The following RGS7 variants were observed in gnomAD, a reference collection of about 807,000 sequenced individuals.
RGS7 encodes regulator of G protein signaling 7.
RGS7 carries 27 observed loss-of-function variants against 81.1 expected under a neutral mutation model. The observed-to-expected ratio is 0.33, with a 90% CI of 0.25 to 0.46. RGS7 has a LOEUF of 0.46. Ranked by LOEUF, RGS7 falls within the 20% of genes least tolerant of loss-of-function variation. RGS7 has a pLI of 1.00. For synonymous variants in RGS7, 208 were observed against 207.7 expected, an observed-to-expected ratio of 1.00 and a Z score of -0.01; for missense variants, 396 against 607.4, an observed-to-expected ratio of 0.65 and a Z score of 3.66.
chr1:240,868,848 C>A lies in RGS7; in HGVS notation c.455G>T (p.Ser152Ile). 1 of 1,614,002 alleles carries A rather than the reference C, an allele frequency of 6.2e-7. No homozygotes were observed. The highest frequency in any genetic ancestry group is 8.5e-7 in the Non-Finnish European group (1 of 1,179,992). The change falls in exon 8 of 19, where the codon AGC becomes ATC. Residue 152 changes from serine to isoleucine, a missense_variant. Coordinates refer to ENST00000440928, the MANE Select transcript of RGS7 (RefSeq NM_001364886.1). This position sits in a 1 kb window ranked among gnomAD's most constrained non-coding sequence, Gnocchi z 5.1. ...RLELADYEAE[S>I]LARLQRAFAR... ...AAATGCTCTCTGCAGCCTGGCCAGG[C>A]TCTCCTGAAAAACATACCCCAGGTG... is the stretch of plus-strand genomic sequence containing the variant.
intron 9 of RGS7, among the ~76,000 whole-genome samples, chr1:240,865,013 G>A (rs1662975666): frequency 6.6e-6 from 1 of 151,606 alleles, no homozygotes; most frequent in Non-Finnish European, 1.5e-5. Flanking sequence ...CACGAAGAAA[G>A]CTGAAAATTT....
intron 2 of RGS7, among the ~76,000 whole-genome samples, chr1:241,314,992 C>T (rs946493368): frequency 6.0e-5 from 9 of 150,900 alleles, no homozygotes; most frequent in Admixed American, 2.0e-4. Context: ...AGTTAGAGCC[C>T]GGGGAACTTA....
chr1:240,923,443 T>G (rs955957156), intron 6 of RGS7, among the ~76,000 whole-genome samples: 1 of 152,096 alleles, frequency 6.6e-6, no homozygotes, highest in Non-Finnish European at 1.5e-5. Context: ...TGGAACTCTC[T>G]GCATATTTTG....
At chr1:240,899,754 A>G (rs1203264926) in intron 6 of RGS7, among the ~76,000 whole-genome samples, 1 of 152,036 alleles carries the variant, frequency 6.6e-6, no homozygotes, top group Non-Finnish European at 1.5e-5. Context: ...GAATCTGACA[A>G]TTATGTGTCT....
At chr1:241,286,827 T>C (rs1383836383) in intron 2 of RGS7, among the ~76,000 whole-genome samples, 1 of 152,166 alleles carries the variant, frequency 6.6e-6, no homozygotes, top group African/African-American at 2.4e-5. Context: ...ACATGCCACT[T>C]GCAGCCCTCT....
At chr1:240,911,065 G>C (rs576126774) in intron 6 of RGS7, among the ~76,000 whole-genome samples, 13 of 152,172 alleles carry the variant, frequency 8.5e-5, no homozygotes, top group African/African-American at 2.9e-4. Flanking sequence ...CTGGGCAAAA[G>C]CTAAACATCT....
chr1:241,143,929 T>C (rs2103095594), intron 2 of RGS7, among the ~76,000 whole-genome samples: 1 of 152,216 alleles, frequency 6.6e-6, no homozygotes, highest in Non-Finnish European at 1.5e-5. Flanking sequence ...GAAGGAACCA[T>C]CTGTGAACCA....
At chr1:241,013,180 A>G (rs2148667023) in intron 3 of RGS7, among the ~76,000 whole-genome samples, 1 of 148,686 alleles carries the variant, frequency 6.7e-6, no homozygotes, top group East Asian at 2.0e-4. Flanking sequence ...CTCGTGCCTC[A>G]GCCTTCCCAG....
intron 2 of RGS7, among the ~76,000 whole-genome samples, chr1:241,266,520 T>C (rs886864071): frequency 2.6e-5 from 4 of 152,236 alleles, no homozygotes; most frequent in African/African-American, 9.6e-5. Context: ...TCCATTCTAT[T>C]TCCTTTAATT....
chr1:241,001,952 G>A (rs981965772), intron 3 of RGS7, among the ~76,000 whole-genome samples: 11 of 151,992 alleles, frequency 7.2e-5, no homozygotes, highest in Admixed American at 4.6e-4. Flanking sequence ...TGATAATGAC[G>A]CGTCAGTGCG....
At chr1:241,162,521 G>A (rs2069809675) in intron 2 of RGS7, among the ~76,000 whole-genome samples, 2 of 152,308 alleles carry the variant, frequency 1.3e-5, no homozygotes, top group South Asian at 2.1e-4. Context: ...ACCGGATGGG[G>A]CACTGGATCT....
At chr1:241,083,288 CA>C (rs1288877400) in intron 3 of RGS7, among the ~76,000 whole-genome samples, 1 of 143,022 alleles carries the variant, frequency 7.0e-6, no homozygotes, top group African/African-American at 2.6e-5. Context: ...CAAAACAAGA[CA>C]AAAAAAAAGA....
intron 3 of RGS7, among the ~76,000 whole-genome samples, chr1:241,078,929 C>T (rs1394235405): frequency 6.6e-6 from 1 of 152,134 alleles, no homozygotes; most frequent in African/African-American, 2.4e-5. Flanking sequence ...TGTACTCTTT[C>T]CACTACTCAG....
Position 240,823,377 on chromosome 1 carries a change from G to T in RGS7, c.684+3721C>A, listed in dbSNP as rs549986063. ...CTGCGGAGATGCCCAGCGGCCTGGA[G>T]CCACGGCCGAAGCCCCGCACCACTT... On this transcript the variant is annotated intron_variant, in intron 10 of 18. Coordinates refer to ENST00000440928, the MANE Select transcript of RGS7 (RefSeq NM_001364886.1). 1.3e-5 allele frequency: 6 copies of T among 457,564 alleles called. No homozygotes were observed. In the East Asian group the frequency reaches 3.0e-4, roughly 23 times the overall value. 28.3% of individuals were successfully genotyped at this position (457,564 alleles called of 1,614,324 possible).
intron 3 of RGS7, among the ~76,000 whole-genome samples, chr1:241,010,073 C>G (rs1421689441): frequency 3.3e-5 from 5 of 152,078 alleles, no homozygotes; most frequent in Non-Finnish European, 5.9e-5. Flanking sequence ...TTAGGAGAAA[C>G]ACCTAATGTA....
At chr1:241,139,230 C>T (rs2103075681) in intron 2 of RGS7, among the ~76,000 whole-genome samples, 1 of 151,082 alleles carries the variant, frequency 6.6e-6, no homozygotes, top group African/African-American at 2.4e-5. Context: ...CTTCCTCTCT[C>T]CCTCCCTTCT....
chr1:240,866,859 G>A (rs1373485665), intron 9 of RGS7, among the ~76,000 whole-genome samples: 2 of 152,082 alleles, frequency 1.3e-5, no homozygotes, highest in African/African-American at 4.8e-5. Context: ...GCAGTGCAGG[G>A]GAGCTGGCAT....
chr1:240,953,790 A>G lies in RGS7; in HGVS notation c.227-17084T>C, dbSNP rs74638562. 5.8e-3 allele frequency among the ~76,000 whole-genome samples: 886 copies of G among 152,168 alleles called. 12 individuals carry two copies. Among genetic ancestry groups the G allele is most frequent in the African/African-American group, 0.02 (844 of 41,586 alleles). ...ATAAAATTGAGAACAGGAAAACAAC[A>G]GAGAAAAATCAACAAAATTAAAAGC... On this transcript the variant is annotated intron_variant, in intron 4 of 18. Coordinates refer to ENST00000440928, the MANE Select transcript of RGS7 (RefSeq NM_001364886.1).
At position 241,157,657 on chromosome 1, in the gene RGS7, G is replaced by T. The variant is rs181108278; in HGVS notation, c.79-58895C>A. Among the ~76,000 whole-genome samples, 200 of 152,162 alleles carry T rather than the reference G, an allele frequency of 1.3e-3. 2 individuals carry two copies. The highest frequency in any genetic ancestry group is 4.7e-3 in the African/African-American group (194 of 41,512). ...AAACACTGACCATGGCTCAAATCTG[G>T]CCTGCCATCAGATTTTGTTGGGCCC... On this transcript the variant is annotated intron_variant, in intron 2 of 18. Transcript: ENST00000440928.
Sources: gnomAD v4.1 joint callset for allele counts (sites outside exome capture counted in the v4.1 genomes callset) on GRCh38, gnomAD v4.1.1 for gene constraint, Gnocchi (gnomAD v3.1) non-coding constraint, MANE v1.5 for transcripts, NCBI Gene and HGNC (gene_info 2026-07-23, HGNC 2026-07-21) for gene names.